The following PDE7B variants were observed in gnomAD, a reference collection of about 807,000 sequenced individuals.
PDE7B encodes the protein phosphodiesterase 7B.
PDE7B carries 29 observed loss-of-function variants against 56.2 expected under a neutral mutation model. That is an observed-to-expected ratio of 0.52 (90% CI 0.38 to 0.70). The LOEUF is 0.70. Ranked by LOEUF, PDE7B falls within the 30% of genes least tolerant of loss-of-function variation. The pLI, the probability that PDE7B is intolerant of heterozygous loss-of-function variation, is 0.00. For missense variants in PDE7B, 490 were observed against 565.0 expected (o/e 0.87, Z 1.35); for synonymous variants, 197 against 196.9 (o/e 1.00, Z 0.00).
At chr6:135,935,780 T>G (rs1328225648) in intron 1 of PDE7B, among the ~76,000 whole-genome samples, 1 of 152,248 alleles carries the variant, frequency 6.6e-6, no homozygotes, top group Non-Finnish European at 1.5e-5. Context: ...CTGTCAGTCA[T>G]TTCTCCAAAA....
chr6:136,083,503 A>T (rs150220574), intron 2 of PDE7B, among the ~76,000 whole-genome samples: 7 of 152,198 alleles, frequency 4.6e-5, no homozygotes, highest in South Asian at 4.1e-4. Flanking sequence ...CTGAAATGGC[A>T]TGCTAACTAC....
intron 2 of PDE7B, among the ~76,000 whole-genome samples, chr6:136,098,866 G>A (rs1026971416): frequency 2.0e-5 from 3 of 151,680 alleles, no homozygotes; most frequent in African/African-American, 4.9e-5. Context: ...ATGTTGGTTT[G>A]CTGCACCCAT....
At chr6:136,164,463 A>T (rs1355112011) in intron 8 of PDE7B, among the ~76,000 whole-genome samples, 1 of 151,706 alleles carries the variant, frequency 6.6e-6, no homozygotes, top group East Asian at 2.0e-4. Flanking sequence ...ATATTAAAGG[A>T]AGTCTCCTGT....
In PDE7B at chr6:136,147,260, T is replaced by C. The variant is rs1778431125; in HGVS notation, c.167-91T>C. ...AAGTATAGAAAGCATCTTTTAAATTTCTCTTCTTTTAATGCATTTATTTTT... is the reference window on the plus strand; with the variant it reads ...AAGTATAGAAAGCATCTTTTAAATTCCTCTTCTTTTAATGCATTTATTTTT... On this transcript the variant is annotated intron_variant, in intron 3 of 12. Transcript: ENST00000308191. The C allele has an allele frequency of 7.7e-6, 6 of 777,586 alleles. No homozygotes were observed. The South Asian group carries it at 1.4e-4, about 18-fold the overall frequency. The allele number at this position is 777,586 out of a possible 1,614,324, so 48.2% of individuals were successfully genotyped here.
intron 1 of PDE7B, among the ~76,000 whole-genome samples, chr6:135,854,988 T>C (rs1774999387): frequency 6.6e-6 from 1 of 152,184 alleles, no homozygotes; most frequent in African/African-American, 2.4e-5. Flanking sequence ...TGAGTTGATG[T>C]GTACTTAGAG....
chr6:135,944,404 G>T lies in PDE7B; in HGVS notation c.22-3060G>T, dbSNP rs1009420165. On this transcript the variant is annotated intron_variant, in intron 1 of 12. Coordinates refer to ENST00000308191, the MANE Select transcript of PDE7B (RefSeq NM_018945.4). ...AGGAAAAAGCACTAGAAAGAAACTG[G>T]TTTTTTTCAAGCCCTGAGAACAATC... is the stretch of plus-strand genomic sequence containing the variant. 3.9e-5 allele frequency among the ~76,000 whole-genome samples: 6 copies of T among 152,246 alleles called. No homozygotes were observed. In the East Asian group the frequency reaches 1.2e-3, roughly 29 times the overall value.
chr6:136,137,994 T>C (rs1057316452), intron 3 of PDE7B, among the ~76,000 whole-genome samples: 3 of 152,136 alleles, frequency 2.0e-5, no homozygotes, highest in African/African-American at 7.2e-5. Context: ...CACCTTTTTA[T>C]AACTATTCCA....
intron 2 of PDE7B, among the ~76,000 whole-genome samples, chr6:136,024,909 G>A (rs1344504977): frequency 6.6e-6 from 1 of 152,146 alleles, no homozygotes; most frequent in Non-Finnish European, 1.5e-5. Context: ...GTAAATTTCT[G>A]AAACCACAAG....
At chr6:136,037,596 A>T (rs923712582) in intron 2 of PDE7B, 29 of 985,338 alleles carry the variant, frequency 2.9e-5, no homozygotes, top group Non-Finnish European at 3.4e-5. Flanking sequence ...TTGGCTCTGC[A>T]GACTCTCAGC....
chr6:136,115,799 T>C (rs190490741), intron 3 of PDE7B, among the ~76,000 whole-genome samples: 1 of 152,342 alleles, frequency 6.6e-6, no homozygotes, highest in African/African-American at 2.4e-5. Flanking sequence ...GCCACAGGAC[T>C]GAGATAGCCT....
At chr6:136,093,023 A>G (rs1312253806) in intron 2 of PDE7B, among the ~76,000 whole-genome samples, 3 of 152,230 alleles carry the variant, frequency 2.0e-5, no homozygotes, top group Admixed American at 2.0e-4. Context: ...TTCACAAGGT[A>G]TACATTCATC....
At chr6:136,097,776 T>C (rs1024181306) in intron 2 of PDE7B, among the ~76,000 whole-genome samples, 1 of 152,070 alleles carries the variant, frequency 6.6e-6, no homozygotes, top group African/African-American at 2.4e-5. Flanking sequence ...TTTTGCACCG[T>C]GTCTCATCCC....
intron 2 of PDE7B, chr6:136,044,764 C>T (rs551108414): frequency 5.9e-5 from 9 of 152,246 alleles, no homozygotes; most frequent in Admixed American, 1.3e-4. Flanking sequence ...GCTTCTTCTA[C>T]AGATAACAGT....
intron 1 of PDE7B, among the ~76,000 whole-genome samples, chr6:135,917,340 G>A (rs755461437): frequency 3.3e-5 from 5 of 151,304 alleles, no homozygotes; most frequent in African/African-American, 7.3e-5. Context: ...AATTTTCCAC[G>A]TCACTTATTT....
chr6:135,982,913 C>A (rs947475931), intron 2 of PDE7B, among the ~76,000 whole-genome samples: 6 of 152,276 alleles, frequency 3.9e-5, no homozygotes, highest in Admixed American at 2.0e-4. Flanking sequence ...AGGCTTCTCC[C>A]TTAGACTCTT....
chr6:135,950,809 G>C (rs996811654), intron 2 of PDE7B, among the ~76,000 whole-genome samples: 39 of 152,142 alleles, frequency 2.6e-4, no homozygotes, highest in African/African-American at 8.7e-4. Flanking sequence ...TTTATGCTTT[G>C]TGTTGTCTAC....
intron 2 of PDE7B, among the ~76,000 whole-genome samples, chr6:135,974,005 T>C (rs1775140821): frequency 1.3e-5 from 2 of 152,174 alleles, no homozygotes; most frequent in African/African-American, 4.8e-5. Context: ...ATTCAGACTT[T>C]ATAAACTGAA....
rs1583895940 is a variant in PDE7B, at chr6:136,127,931, T to G, written c.166+19117T>G. Among the ~76,000 whole-genome samples the G allele has an allele frequency of 6.6e-5, 10 of 152,328 alleles. 1 individual carries two copies. The South Asian group carries it at 2.1e-3, about 32-fold the overall frequency. ...TTAGCTTAACTTCTGAACTTTTTGC[T>G]CTGCTGTGATCTTTCTGACACTTTG... On this transcript the variant is annotated intron_variant, in intron 3 of 12. Coordinates refer to ENST00000308191, the MANE Select transcript of PDE7B (RefSeq NM_018945.4).
intron 2 of PDE7B, among the ~76,000 whole-genome samples, chr6:136,017,296 C>T (rs761845954): frequency 3.0e-4 from 45 of 152,056 alleles, no homozygotes; most frequent in Admixed American, 2.2e-3. Context: ...AAACTACTAG[C>T]GAAATAAAAC....
Sources: gnomAD v4.1 joint callset for allele counts (sites outside exome capture counted in the v4.1 genomes callset) on GRCh38, gnomAD v4.1.1 for gene constraint, MANE v1.5 for transcripts, NCBI Gene and HGNC (gene_info 2026-07-23, HGNC 2026-07-21) for gene names.